RBM20: variants seen among roughly 807,000 people sequenced by gnomAD.
The protein encoded by RBM20 is RNA binding motif protein 20.
Under a neutral mutation model 110.1 loss-of-function variants are expected in RBM20, and 51 were observed. That is an observed-to-expected ratio of 0.46 (90% confidence interval 0.37 to 0.59). The LOEUF (loss-of-function observed/expected upper bound fraction) is 0.59, where lower values mean the gene tolerates loss of function less well. Ranked by LOEUF, RBM20 falls within the 20% of genes least tolerant of loss-of-function variation. RBM20 has a pLI of 0.00. For missense variants in RBM20, 1,512 were observed against 1,574.9 expected, an observed-to-expected ratio of 0.96 and a Z score of 0.68; for synonymous variants, 589 against 618.2, an observed-to-expected ratio of 0.95 and a Z score of 0.70.
chr10:110,827,507 G>A (rs562437178), intron 12 of RBM20, among the ~76,000 whole-genome samples: 1 of 152,332 alleles, frequency 6.6e-6, no homozygotes, highest in East Asian at 1.9e-4. Context: ...CATTTGTGCA[G>A]AAACTATGAA....
chr10:110,821,563 A>G lies in RBM20; in HGVS notation c.2944A>G (p.Arg982Gly). ...TGCAGAAATCAGCCTCAAGTCACCC[A>G]GAGAACTGCCCTCTGCTTCCACAAG... ...GAAEISLKSPRELPSASTSCP... is the reference protein window; with the variant it reads ...GAAEISLKSPGELPSASTSCP... Residue 982 changes from arginine (R) to glycine (G), a missense_variant, in exon 11 of 14, where the codon AGA becomes GGA. Coordinates refer to ENST00000369519, the MANE Select transcript of RBM20 (RefSeq NM_001134363.3). 2 of 1,551,252 alleles carry G rather than the reference A, an allele frequency of 1.3e-6. No individual in the cohort carries two copies. The highest frequency in any genetic ancestry group is 1.7e-6 in the Non-Finnish European group (2 of 1,146,380).
intron 1 of RBM20, among the ~76,000 whole-genome samples, chr10:110,726,739 A>G (rs2134942213): frequency 6.6e-6 from 1 of 152,362 alleles, no homozygotes; most frequent in South Asian, 2.1e-4. Context: ...TACAGCACTT[A>G]CTGAAAGTGG....
At chr10:110,658,428 G>A (rs1862056859) in intron 1 of RBM20, among the ~76,000 whole-genome samples, 2 of 152,214 alleles carry the variant, frequency 1.3e-5, no homozygotes, top group Admixed American at 1.3e-4. Flanking sequence ...TGTGAAGTAG[G>A]TAGGGACTAA....
chr10:110,644,688 G>A lies in RBM20; in HGVS notation c.191+43G>A, dbSNP rs1034522534. ...AACAGGGACCACGGGTGCGCCTGGGGACACGCCCCGAGAGCCCCCTTTGTG... is the reference window on the plus strand; with the variant it reads ...AACAGGGACCACGGGTGCGCCTGGGAACACGCCCCGAGAGCCCCCTTTGTG... On this transcript the variant is annotated intron_variant, in intron 1 of 13. Transcript: ENST00000369519. The surrounding 1 kb of genome is among the most constrained non-coding windows in gnomAD (Gnocchi z 4.3). 1.1e-5 allele frequency: 15 copies of A among 1,376,720 alleles called. No homozygotes were observed. The highest frequency in any genetic ancestry group is 2.9e-5 in the East Asian group (1 of 34,408). The allele number at this position is 1,376,720 out of a possible 1,614,324, so 85.3% of individuals were successfully genotyped here. A position where few individuals can be genotyped will look rare whatever the true frequency, so the allele number is the denominator to read the frequency against.
At chr10:110,682,099 C>A (rs550830196) in intron 1 of RBM20, among the ~76,000 whole-genome samples, 4 of 152,148 alleles carry the variant, frequency 2.6e-5, no homozygotes, top group African/African-American at 4.8e-5. Context: ...ACCATGCTGG[C>A]AAGGCTGATC....
At chr10:110,747,258 G>T (rs1159572790) in intron 1 of RBM20, among the ~76,000 whole-genome samples, 1 of 150,382 alleles carries the variant, frequency 6.6e-6, no homozygotes, top group Non-Finnish European at 1.5e-5. Flanking sequence ...TCATCATTTG[G>T]GAGAAAAGTT....
At chr10:110,792,171 C>A (rs147133524) in intron 5 of RBM20, among the ~76,000 whole-genome samples, 5 of 146,868 alleles carry the variant, frequency 3.4e-5, no homozygotes, top group African/African-American at 1.4e-4. Context: ...ATCTATCTAT[C>A]TATCTATCTA....
intron 1 of RBM20, among the ~76,000 whole-genome samples, chr10:110,691,352 C>T (rs929552684): frequency 6.6e-6 from 1 of 152,222 alleles, no homozygotes; most frequent in Non-Finnish European, 1.5e-5. Context: ...GAGGAACTGC[C>T]AAACTGTTTC....
intron 1 of RBM20, among the ~76,000 whole-genome samples, chr10:110,678,126 G>A (rs10885013): frequency 0.57 from 86,374 of 151,986 alleles, 27,265 homozygotes; most frequent in South Asian, 0.69. Flanking sequence ...ATAATATTAA[G>A]GAAAAGAAAG....
In RBM20 at chr10:110,725,273, G is replaced by A. The variant is rs1290053638; in HGVS notation, c.192-55528G>A. On this transcript the variant is annotated intron_variant, in intron 1 of 13. Transcript: ENST00000369519. ...CACCTCAGAAAAATTACTCTGGAGC[G>A]TGCGCTTATATGACTTTGCAAACAG... Among the ~76,000 whole-genome samples the A allele has an allele frequency of 1.4e-4, 22 of 152,150 alleles. No individual in the cohort carries two copies. In the East Asian group the frequency reaches 1.7e-3, roughly 12 times the overall value.
chr10:110,670,793 A>T (rs1177416170), intron 1 of RBM20, among the ~76,000 whole-genome samples: 1 of 152,264 alleles, frequency 6.6e-6, no homozygotes, highest in African/African-American at 2.4e-5. Context: ...GACTGTAACA[A>T]CAAAAAGGGA....
chr10:110,745,591 C>G (rs1843770445), intron 1 of RBM20, among the ~76,000 whole-genome samples: 1 of 151,906 alleles, frequency 6.6e-6, no homozygotes, highest in African/African-American at 2.4e-5. Context: ...CCTTGTCTTG[C>G]TTCCACTGGG....
chr10:110,812,946 A>G lies in RBM20; in HGVS notation c.2549A>G (p.Glu850Gly). ...DRKENTMAEN[E>G]AGKEEQEGME... Reference sequence around the variant, plus strand: ...AAAGAAAACACAATGGCAGAGAATGAGGTAATGATCAATTTCTTCCCCAGG... The same window carrying G: ...AAAGAAAACACAATGGCAGAGAATGGGGTAATGATCAATTTCTTCCCCAGG... Residue 850 changes from glutamate (E) to glycine (G), a missense_variant and splice_region_variant, in exon 9 of 14, where the codon GAG becomes GGG. By Grantham distance (98) the Glu-to-Gly change is moderately conservative (BLOSUM62 -2). This residue lies in a region of RBM20 where 1,149 missense variants were observed against 1,169.4 expected (regional missense o/e 0.98). Coordinates refer to ENST00000369519, the MANE Select transcript of RBM20 (RefSeq NM_001134363.3). 1 of 1,448,616 alleles carries G rather than the reference A, an allele frequency of 6.9e-7. No individual in the cohort carries two copies. The highest frequency in any genetic ancestry group is 9.1e-7 in the Non-Finnish European group (1 of 1,098,308). The allele number at this position is 1,448,616 out of a possible 1,614,324, so 89.7% of individuals were successfully genotyped here. A position where few individuals can be genotyped will look rare whatever the true frequency, so the allele number is the denominator to read the frequency against.
At chr10:110,811,877 C>A (rs567090992) in intron 8 of RBM20, among the ~76,000 whole-genome samples, 1 of 152,292 alleles carries the variant, frequency 6.6e-6, no homozygotes, top group South Asian at 2.1e-4. Context: ...GCCTTACCCA[C>A]TAGGCTGGAC....
chr10:110,753,714 C>A (rs901025610), intron 1 of RBM20, among the ~76,000 whole-genome samples: 1 of 152,166 alleles, frequency 6.6e-6, no homozygotes, highest in Non-Finnish European at 1.5e-5. Flanking sequence ...AAGGCAGAAG[C>A]CCATCATCAG....
At position 110,801,221 on chromosome 10, in the gene RBM20, G is replaced by A. The variant is rs146246044; in HGVS notation, c.1800+1303G>A. Among the ~76,000 whole-genome samples, 552 of 152,212 alleles carry A rather than the reference G, an allele frequency of 3.6e-3. 1 individual carries two copies. The highest frequency in any genetic ancestry group is 6.2e-3 in the Non-Finnish European group (423 of 68,014). ...AGGTGGGTGGATCACGAGGTCAGGG[G>A]TTCAAGAGCAGCCTGGCCAACATGG... On this transcript the variant is annotated intron_variant, in intron 7 of 13. Transcript: ENST00000369519.
chr10:110,761,533 T>C (rs1844003828), intron 1 of RBM20, among the ~76,000 whole-genome samples: 1 of 152,216 alleles, frequency 6.6e-6, no homozygotes, highest in Admixed American at 6.5e-5. Flanking sequence ...TCAGTAACGG[T>C]TGAAGGTCAC....
intron 5 of RBM20, among the ~76,000 whole-genome samples, chr10:110,795,911 T>C (rs1844544171): frequency 1.3e-5 from 2 of 152,184 alleles, no homozygotes; most frequent in African/African-American, 2.4e-5. Flanking sequence ...GACTGCCAGG[T>C]GGGGGTCGTG....
intron 9 of RBM20, among the ~76,000 whole-genome samples, chr10:110,814,942 A>G (rs915052903): frequency 4.6e-5 from 7 of 152,266 alleles, no homozygotes; most frequent in Admixed American, 1.3e-4. Context: ...ATGCACATAT[A>G]TAATGAATAC....
Sources: gnomAD v4.1 joint callset for allele counts (sites outside exome capture counted in the v4.1 genomes callset) on GRCh38, gnomAD v4.1.1 for gene constraint, gnomAD v4.1.1 regional missense constraint, Gnocchi (gnomAD v3.1) non-coding constraint, MANE v1.5 for transcripts, NCBI Gene and HGNC (gene_info 2026-07-23, HGNC 2026-07-21) for gene names.